CDK19: variants seen among roughly 807,000 people sequenced by gnomAD.
CDK19 encodes the protein cyclin dependent kinase 19.
CDK19 carries 20 observed loss-of-function variants against 68.3 expected under a neutral mutation model. The ratio of observed to expected loss-of-function variants is 0.29; its 90% CI spans 0.21 to 0.43. The LOEUF is 0.43. Ranked by LOEUF, CDK19 falls within the 20% of genes least tolerant of loss-of-function variation. The probability of loss-of-function intolerance (pLI) is 1.00; values close to 1 mark genes in which losing one functional copy is unlikely to be tolerated. For synonymous variants in CDK19, 221 were observed against 222.8 expected, an observed-to-expected ratio of 0.99 and a Z score of 0.07; for missense variants, 339 against 623.5, an observed-to-expected ratio of 0.54 and a Z score of 4.86.
intron 4 of CDK19, among the ~76,000 whole-genome samples, chr6:110,656,212 G>A (rs905360397): frequency 6.6e-6 from 1 of 152,130 alleles, no homozygotes; most frequent in Non-Finnish European, 1.5e-5. Context: ...ACTCGTTGGG[G>A]GAAGGGATCG....
intron 2 of CDK19, among the ~76,000 whole-genome samples, chr6:110,681,596 C>G (rs931422629): frequency 2.0e-5 from 3 of 152,170 alleles, no homozygotes; most frequent in African/African-American, 7.2e-5. Context: ...AGAAGGGACA[C>G]AGTGAAAGGA....
chr6:110,794,843 T>C (rs116029480), intron 1 of CDK19, among the ~76,000 whole-genome samples: 1 of 151,546 alleles, frequency 6.6e-6, no homozygotes, highest in Non-Finnish European at 1.5e-5. Flanking sequence ...AAATTAAGAG[T>C]AGGAAATTAA....
At chr6:110,790,083 ATAT>A (rs1172697095) in intron 1 of CDK19, among the ~76,000 whole-genome samples, 1 of 152,244 alleles carries the variant, frequency 6.6e-6, no homozygotes, top group African/African-American at 2.4e-5. Flanking sequence ...ATGCTGAAAC[ATAT>A]TATGTGATAT....
intron 1 of CDK19, among the ~76,000 whole-genome samples, chr6:110,805,353 A>C (rs1213825002): frequency 6.6e-6 from 1 of 152,234 alleles, no homozygotes; most frequent in African/African-American, 2.4e-5. Context: ...ATCTTTAAAA[A>C]AACACATTAG....
At chr6:110,739,617 T>C (rs140729615) in intron 2 of CDK19, among the ~76,000 whole-genome samples, 182 of 152,048 alleles carry the variant, frequency 1.2e-3, no homozygotes, top group African/African-American at 4.3e-3. Flanking sequence ...TAATATTTTA[T>C]TGTATTTTAT....
chr6:110,755,547 G>A (rs1023584841), intron 1 of CDK19, among the ~76,000 whole-genome samples: 10 of 152,148 alleles, frequency 6.6e-5, no homozygotes, highest in South Asian at 6.2e-4. Context: ...ATTTCACTGA[G>A]CAAAGGAGGA....
chr6:110,622,855 G>T lies in CDK19; in HGVS notation c.991C>A (p.Gln331Lys). Reference sequence around the variant, plus strand: ...GGGTCCTCCTGAAAATAGGGATCCTGCAGAGCTTGCTCCGAGGTAATTCTC... The same window carrying T: ...GGGTCCTCCTGAAAATAGGGATCCTTCAGAGCTTGCTCCGAGGTAATTCTC... ...TKRITSEQAL[Q>K]DPYFQEDPLP... The change falls in exon 10 of 13, where the codon CAG becomes AAG. Residue 331 changes from glutamine to lysine, a missense_variant. Gln to Lys is a moderately conservative substitution (Grantham distance 53, BLOSUM62 1). Around this residue, in one of 4 missense-constraint regions of CDK19, gnomAD observed 155 missense variants for 222.7 expected, o/e 0.70. Transcript: ENST00000368911. 6.2e-7 allele frequency: 1 copy of T among 1,613,448 alleles called. No individual in the cohort carries two copies. The highest frequency in any genetic ancestry group is 8.5e-7 in the Non-Finnish European group (1 of 1,179,376).
chr6:110,781,935 C>T (rs891476182), intron 1 of CDK19, among the ~76,000 whole-genome samples: 4 of 151,878 alleles, frequency 2.6e-5, no homozygotes, highest in East Asian at 1.9e-4. Flanking sequence ...GCTCCCTCAC[C>T]GCAATCCCAA....
intron 4 of CDK19, among the ~76,000 whole-genome samples, chr6:110,651,195 G>A (rs537668793): frequency 3.3e-5 from 5 of 152,028 alleles, no homozygotes; most frequent in African/African-American, 1.2e-4. Context: ...ATTATCTTCT[G>A]TCTTATCCAT....
intron 4 of CDK19, among the ~76,000 whole-genome samples, chr6:110,663,081 A>AT (rs897868867): frequency 1.3e-4 from 20 of 152,224 alleles, no homozygotes; most frequent in African/African-American, 4.6e-4. Flanking sequence ...TTTACTTTAA[A>AT]TTTTTTATAT....
chr6:110,749,227 T>C (rs1322031223), intron 1 of CDK19, among the ~76,000 whole-genome samples: 1 of 152,240 alleles, frequency 6.6e-6, no homozygotes, highest in East Asian at 1.9e-4. Context: ...GTTTCTTCTA[T>C]ATGTCTATAA....
At chr6:110,779,501 G>C (rs1780644845) in intron 1 of CDK19, among the ~76,000 whole-genome samples, 1 of 152,186 alleles carries the variant, frequency 6.6e-6, no homozygotes, top group Non-Finnish European at 1.5e-5. Flanking sequence ...GATAGGAAAC[G>C]ATTTGTAACT....
intron 1 of CDK19, among the ~76,000 whole-genome samples, chr6:110,805,446 G>T (rs1264221080): frequency 6.6e-6 from 1 of 150,662 alleles, no homozygotes; most frequent in East Asian, 1.9e-4. Context: ...CTTCTATATT[G>T]TCATCTAACC....
At position 110,610,677 on chromosome 6, in the gene CDK19, A is replaced by T. The variant is rs1777977099; in HGVS notation, c.*3858T>A. On this transcript the variant is annotated 3_prime_UTR_variant, in exon 13 of 13. Transcript: ENST00000368911. ...ATATTACTTGTACTTGAATCCTTCA[A>T]GCCTCTGTTGGTCTAACTGCCATTT... is the stretch of plus-strand genomic sequence containing the variant. The T allele has an allele frequency of 6.6e-6, 1 of 152,156 alleles. No homozygotes were observed. The highest frequency in any genetic ancestry group is 2.4e-5 in the African/African-American group (1 of 41,430). 9.4% of individuals were successfully genotyped at this position (152,156 alleles called of 1,614,324 possible). A position where few individuals can be genotyped will look rare whatever the true frequency, so the allele number is the denominator to read the frequency against.
At chr6:110,693,905 A>G (rs141563154) in intron 2 of CDK19, among the ~76,000 whole-genome samples, 38 of 152,168 alleles carry the variant, frequency 2.5e-4, no homozygotes, top group Non-Finnish European at 4.1e-4. Flanking sequence ...AAGGGGAGAT[A>G]AAGTATTTTT....
chr6:110,798,232 C>T (rs1032181548), intron 1 of CDK19, among the ~76,000 whole-genome samples: 5 of 151,744 alleles, frequency 3.3e-5, no homozygotes, highest in Non-Finnish European at 7.4e-5. Flanking sequence ...CTTAATAGTA[C>T]ATTATGTAAG....
At chr6:110,707,477 T>C (rs1774609279) in intron 2 of CDK19, among the ~76,000 whole-genome samples, 1 of 152,060 alleles carries the variant, frequency 6.6e-6, no homozygotes, top group Admixed American at 6.5e-5. Flanking sequence ...AGGATACAGA[T>C]CATATCATCT....
chr6:110,801,388 G>A (rs542749602), intron 1 of CDK19, among the ~76,000 whole-genome samples: 1 of 152,308 alleles, frequency 6.6e-6, no homozygotes, highest in South Asian at 2.1e-4. Flanking sequence ...AAGAGGCTGA[G>A]GTGGGAGAAT....
chr6:110,772,242 C>T (rs942042054), intron 1 of CDK19, among the ~76,000 whole-genome samples: 1 of 151,954 alleles, frequency 6.6e-6, no homozygotes, highest in Non-Finnish European at 1.5e-5. Flanking sequence ...AGTATTACAG[C>T]GGGAGGCAAA....
Sources: allele counts gnomAD v4.1 joint callset (sites outside exome capture counted in the v4.1 genomes callset), GRCh38; gene constraint gnomAD v4.1.1; regional missense constraint gnomAD v4.1.1; transcripts MANE v1.5; gene names NCBI Gene and HGNC (gene_info 2026-07-23, HGNC 2026-07-21).